Variants in INPP5B observed in about 807,000 individuals in gnomAD.
INPP5B encodes type II inositol 1,4,5-trisphosphate 5-phosphatase.
INPP5B carries 90 observed loss-of-function variants against 118.5 expected under a neutral mutation model. The ratio of observed to expected loss-of-function variants is 0.76; its 90% CI spans 0.64 to 0.90. The LOEUF (loss-of-function observed/expected upper bound fraction) is 0.90, where lower values mean the gene tolerates loss of function less well. INPP5B is among the 40% of genes least tolerant of loss of function. INPP5B has a pLI of 0.00. For synonymous variants in INPP5B, 385 were observed against 418.9 expected (o/e 0.92, Z 0.99); for missense variants, 984 against 1,125.6 (o/e 0.87, Z 1.80).
intron 12 of INPP5B, 53 bp downstream of exon 12, chr1:37,886,835 T>C (rs1370191060): frequency 2.3e-6 from 3 of 1,314,110 alleles, no homozygotes; most frequent in East Asian, 4.6e-5. Context: ...AAGTGGTCAA[T>C]ACCTCAGGAG....
chr1:37,864,614 A>G (rs1385835420), intron 22 of INPP5B, 191 bp from the exon 23 acceptor site: 18 of 450,998 alleles, frequency 4.0e-5, no homozygotes, highest in Non-Finnish European at 6.8e-5. Context: ...TTAGAAGTCA[A>G]ACTTTTAACT....
intron 7 of INPP5B, among the ~76,000 whole-genome samples, chr1:37,892,302 T>G (rs1438502697): frequency 6.6e-6 from 1 of 152,138 alleles, no homozygotes; most frequent in African/African-American, 2.4e-5. Context: ...AAACTGGAAA[T>G]AGTCTAAGAG....
chr1:37,895,544 G>A (rs926848532), intron 7 of INPP5B, among the ~76,000 whole-genome samples: 29 of 138,196 alleles, frequency 2.1e-4, no homozygotes, highest in Admixed American at 1.6e-4. Context: ...CTCTTTCCAC[G>A]GTCTCCCTCT....
chr1:37,936,908 G>C (rs745521480), intron 6 of INPP5B, among the ~76,000 whole-genome samples: 3 of 151,786 alleles, frequency 2.0e-5, no homozygotes, highest in Admixed American at 6.6e-5. Context: ...TGGCGCTATC[G>C]TTTACCAGCT....
rs1183186165 is a variant in INPP5B at position 37,925,713 on chromosome 1, T to C, written c.532+6200A>G. ...TCTAACTGAGTGTTTGTGGGTCACC[T>C]CACTTGCTCTCAACAATAACTGCAG... On this transcript the variant is annotated intron_variant, in intron 7 of 23. Transcript: ENST00000373024. Among the ~76,000 whole-genome samples the C allele has an allele frequency of 3.9e-5, 6 of 152,174 alleles. No individual in the cohort carries two copies. In the East Asian group the frequency reaches 9.6e-4, roughly 24 times the overall value.
intron 23 of INPP5B, among the ~76,000 whole-genome samples, chr1:37,863,286 C>T (rs1427390206): frequency 1.3e-5 from 2 of 151,010 alleles, no homozygotes; most frequent in East Asian, 2.0e-4. Flanking sequence ...GAGGCCGAGG[C>T]GGGTGGAATC....
At position 37,878,255 on chromosome 1, in the gene INPP5B, C is replaced by T. The variant is rs1464469450; in HGVS notation, c.1610G>A (p.Ser537Asn). ...LWKGKNITQL[S>N]YQSHMALKTS... Reference sequence around the variant, plus strand: ...CTTCAGGGCCATGTGGCTCTGGTAACTCAGCTGAGTGATGTTCTTCCCTTT... The same window carrying T: ...CTTCAGGGCCATGTGGCTCTGGTAATTCAGCTGAGTGATGTTCTTCCCTTT... Residue 537 changes from serine (S) to asparagine (N), a missense_variant, in exon 16 of 24, where the codon AGT (serine) becomes AAT (asparagine). Transcript: ENST00000373024. 1.2e-6 allele frequency: 2 copies of T among 1,614,038 alleles called. No individual in the cohort carries two copies. Among genetic ancestry groups the T allele is most frequent in the Non-Finnish European group, 8.5e-7 (1 of 1,180,038 alleles).
At position 37,864,379 on chromosome 1, in the gene INPP5B, G is replaced by A. The variant is rs943725775; in HGVS notation, c.2559C>T (p.Tyr853=). ...LPIFHKNVFH[Y]LMAFLRELLK... Reference sequence around the variant, plus strand: ...GCAGTTCTCGCAAAAACGCCATCAAGTAGTGGAAGACATTTTTGTGGAATA... The same window carrying A: ...GCAGTTCTCGCAAAAACGCCATCAAATAGTGGAAGACATTTTTGTGGAATA... Residue 853 remains tyrosine, a synonymous_variant, in exon 23 of 24, where the codon TAC becomes TAT. Coordinates refer to ENST00000373024, the MANE Select transcript of INPP5B (RefSeq NM_005540.3). 1 of 1,613,118 alleles carries A rather than the reference G, an allele frequency of 6.2e-7. No individual in the cohort carries two copies. The highest frequency in any genetic ancestry group is 1.3e-5 in the African/African-American group (1 of 74,898).
intron 7 of INPP5B, among the ~76,000 whole-genome samples, chr1:37,900,906 G>A (rs1244357177): frequency 6.6e-6 from 1 of 151,724 alleles, no homozygotes; most frequent in African/African-American, 2.4e-5. Context: ...CTGCCTCCAA[G>A]GTTCAAGCGA....
intron 1 of INPP5B, among the ~76,000 whole-genome samples, 188 bp from the exon 2 acceptor site, chr1:37,946,522 G>A (rs1364959259): frequency 6.6e-6 from 1 of 152,130 alleles, no homozygotes; most frequent in East Asian, 1.9e-4. Context: ...TTAGGGATAG[G>A]GGTCCAGTCC....
intron 3 of INPP5B, among the ~76,000 whole-genome samples, 168 bp downstream of exon 3, chr1:37,945,588 C>A (rs1200331976): frequency 6.6e-6 from 1 of 152,174 alleles, no homozygotes; most frequent in Non-Finnish European, 1.5e-5. Flanking sequence ...TGAGTTAGTA[C>A]GTGTGCAGGG....
chr1:37,888,215 G>A, intron 10 of INPP5B, 28 bp downstream of exon 10: 1 of 1,361,038 alleles, frequency 7.3e-7, no homozygotes. Flanking sequence ...CTTGAAGATG[G>A]AGAGGGGACT....
intron 7 of INPP5B, among the ~76,000 whole-genome samples, chr1:37,896,264 C>A (rs1367815709): frequency 1.4e-5 from 2 of 144,640 alleles, no homozygotes; most frequent in Non-Finnish European, 3.0e-5. Flanking sequence ...AAGTGAGGAG[C>A]CCCTCCGCCC....
At chr1:37,923,584 C>A (rs1398894103) in intron 7 of INPP5B, among the ~76,000 whole-genome samples, 2 of 151,520 alleles carry the variant, frequency 1.3e-5, no homozygotes, top group Non-Finnish European at 2.9e-5. Context: ...TGCAACAGTT[C>A]AGCTAAGAGG....
intron 7 of INPP5B, among the ~76,000 whole-genome samples, chr1:37,912,330 G>C (rs1644726959): frequency 6.6e-6 from 1 of 152,166 alleles, no homozygotes; most frequent in African/African-American, 2.4e-5. Flanking sequence ...CAGCCAGCCT[G>C]ATCTCTCCTC....
At chr1:37,892,721 C>T (rs1185538137) in intron 7 of INPP5B, among the ~76,000 whole-genome samples, 1 of 152,182 alleles carries the variant, frequency 6.6e-6, no homozygotes, top group Non-Finnish European at 1.5e-5. Context: ...TCACCAAATG[C>T]TATAGACTGA....
chr1:37,876,556 A>G (rs1185761472), intron 16 of INPP5B, among the ~76,000 whole-genome samples: 3 of 145,452 alleles, frequency 2.1e-5, no homozygotes, highest in Non-Finnish European at 3.0e-5. Flanking sequence ...TCTCTTTAAA[A>G]AAAAAAAAAA....
intron 7 of INPP5B, chr1:37,931,307 C>G (rs916221011): frequency 6.7e-5 from 47 of 704,736 alleles, no homozygotes; most frequent in Admixed American, 3.7e-4. Flanking sequence ...ACCACTCCCC[C>G]ACCCGCCCCA....
chr1:37,912,038 G>A (rs909186358), intron 7 of INPP5B, among the ~76,000 whole-genome samples: 1 of 152,098 alleles, frequency 6.6e-6, no homozygotes, highest in Non-Finnish European at 1.5e-5. Flanking sequence ...CCCTGACCTC[G>A]TCCCAGACAC....
Sources: gnomAD v4.1 joint callset for allele counts (sites outside exome capture counted in the v4.1 genomes callset) on GRCh38, gnomAD v4.1.1 for gene constraint, MANE v1.5 for transcripts, NCBI Gene and HGNC (gene_info 2026-07-23, HGNC 2026-07-21) for gene names.